The following SPOPL variants were observed in gnomAD, a reference collection of about 807,000 sequenced individuals.
SPOPL encodes the protein speckle-type POZ protein-like.
SPOPL carries 23 observed loss-of-function variants against 53.8 expected under a neutral mutation model. That is an observed-to-expected ratio of 0.43 (90% CI 0.31 to 0.61). The LOEUF is 0.61. SPOPL is among the 20% of genes least tolerant of loss of function. The pLI, the probability that SPOPL is intolerant of heterozygous loss-of-function variation, is 0.12. For synonymous variants in SPOPL, 164 were observed against 149.7 expected (o/e 1.10, Z -0.70); for missense variants, 442 against 466.9 (o/e 0.95, Z 0.49).
Position 138,573,477 on chromosome 2 carries a change from CCATTAATGTAA to C in SPOPL, c.*4400_*4410del. ...GGATGACTTATTCTAATGCTACGTA[CCATTAATGTAA>C]CAGAGATCACCTTTTCCCTGTCATT... On this transcript the variant is annotated 3_prime_UTR_variant, in exon 11 of 11. Transcript: ENST00000280098. 6.6e-6 allele frequency: 1 copy of C among 152,226 alleles called. No individual in the cohort carries two copies. Among genetic ancestry groups the C allele is most frequent in the South Asian group, 2.1e-4 (1 of 4,824 alleles). The allele number at this position is 152,226 out of a possible 1,614,324, so 9.4% of individuals were successfully genotyped here. A position where few individuals can be genotyped will look rare whatever the true frequency, so the allele number is the denominator to read the frequency against.
intron 1 of SPOPL, among the ~76,000 whole-genome samples, chr2:138,519,828 G>A (rs1210219827): frequency 1.3e-5 from 2 of 152,062 alleles, no homozygotes; most frequent in Non-Finnish European, 2.9e-5. Context: ...AAAAAGTAAA[G>A]TTTTAATGTG....
chr2:138,520,793 A>C (rs1684539931), intron 1 of SPOPL, among the ~76,000 whole-genome samples: 1 of 152,236 alleles, frequency 6.6e-6, no homozygotes, highest in South Asian at 2.1e-4. Flanking sequence ...ATTGTAGTTT[A>C]CTACCCTGTT....
chr2:138,550,026 A>G (rs1341100642), intron 1 of SPOPL, 131 bp from the exon 2 acceptor site: 3 of 494,700 alleles, frequency 6.1e-6, no homozygotes, highest in African/African-American at 5.7e-5. Context: ...AAATTTATCT[A>G]AAATTCTCAC....
At chr2:138,555,131 G>GGGGTGTGTGT (rs1553471470) in intron 5 of SPOPL, among the ~76,000 whole-genome samples, 1 of 140,090 alleles carries the variant, frequency 7.1e-6, no homozygotes. Context: ...AGGGTAGGAG[G>GGGGTGTGTGT]GTGTGTGTGT....
At chr2:138,538,612 G>T (rs1684989748) in intron 1 of SPOPL, among the ~76,000 whole-genome samples, 1 of 151,968 alleles carries the variant, frequency 6.6e-6, no homozygotes, top group Admixed American at 6.6e-5. Flanking sequence ...TATTCTTCCA[G>T]TCTTTTCACA....
chr2:138,557,501 A>G (rs1315179824), intron 5 of SPOPL, among the ~76,000 whole-genome samples: 3 of 152,204 alleles, frequency 2.0e-5, no homozygotes, highest in African/African-American at 7.2e-5. Flanking sequence ...ACATTGGACC[A>G]TTATTAGACT....
chr2:138,514,215 T>A (rs1684391338), intron 1 of SPOPL, among the ~76,000 whole-genome samples: 1 of 152,116 alleles, frequency 6.6e-6, no homozygotes, highest in African/African-American at 2.4e-5. Flanking sequence ...GGTCAGAGCA[T>A]GGTTTGGTTT....
chr2:138,544,007 C>G (rs1183545480), intron 1 of SPOPL, among the ~76,000 whole-genome samples: 2 of 152,186 alleles, frequency 1.3e-5, no homozygotes, highest in African/African-American at 4.8e-5. Flanking sequence ...ACTCCAGACC[C>G]TGTTTGCCTG....
At chr2:138,565,867 G>T (rs911478603) in intron 10 of SPOPL, among the ~76,000 whole-genome samples, 1 of 151,254 alleles carries the variant, frequency 6.6e-6, no homozygotes, top group Non-Finnish European at 1.5e-5. Context: ...CCAAGTAGCT[G>T]GAACTACAGG....
Position 138,509,472 on chromosome 2 carries a change from A to G in SPOPL, c.-61+7353A>G, listed in dbSNP as rs540864309. ...AAAATATAATGTTATATTTATTGAC[A>G]AAGAAAATACCATTGTTTCCTGTTT... On this transcript the variant is annotated intron_variant, in intron 1 of 10. Transcript: ENST00000280098. Among the ~76,000 whole-genome samples, 19 of 152,304 alleles carry G rather than the reference A, an allele frequency of 1.2e-4. No homozygotes were observed. The South Asian group carries it at 2.3e-3, about 18-fold the overall frequency.
chr2:138,533,084 C>G (rs1459069379), intron 1 of SPOPL, among the ~76,000 whole-genome samples: 2 of 152,140 alleles, frequency 1.3e-5, no homozygotes, highest in African/African-American at 2.4e-5. Flanking sequence ...CCAGTACTCA[C>G]TTTGTGCTAA....
intron 1 of SPOPL, among the ~76,000 whole-genome samples, chr2:138,540,321 A>G (rs952636278): frequency 4.6e-5 from 7 of 152,200 alleles, no homozygotes; most frequent in Admixed American, 1.3e-4. Flanking sequence ...CATTGAATCT[A>G]TAAATTACCT....
intron 1 of SPOPL, among the ~76,000 whole-genome samples, chr2:138,533,977 T>G (rs561656081): frequency 1.3e-5 from 2 of 152,262 alleles, no homozygotes; most frequent in African/African-American, 4.8e-5. Flanking sequence ...TGGATAAAAT[T>G]TTGATAATGC....
chr2:138,525,664 A>AAAAAAAAAAAAAAAAAAAC (rs1684658281), intron 1 of SPOPL, among the ~76,000 whole-genome samples: 2 of 38,608 alleles, frequency 5.2e-5, no homozygotes, highest in African/African-American at 1.2e-4. Flanking sequence ...TAGAAAAAAA[A>AAAAAAAAAAAAAAAAAAAC]AAAAAAAAAA....
At chr2:138,506,682 T>G (rs1281291172) in intron 1 of SPOPL, among the ~76,000 whole-genome samples, 1 of 152,130 alleles carries the variant, frequency 6.6e-6, no homozygotes, top group Non-Finnish European at 1.5e-5. Flanking sequence ...GAGGTATTGG[T>G]CATTTTTCAA....
intron 1 of SPOPL, among the ~76,000 whole-genome samples, chr2:138,523,254 T>C (rs574476656): frequency 6.6e-6 from 1 of 152,228 alleles, no homozygotes; most frequent in East Asian, 1.9e-4. Context: ...AAATTCCCGT[T>C]TTTAAAACCA....
intron 1 of SPOPL, among the ~76,000 whole-genome samples, chr2:138,534,364 A>C (rs1684882414): frequency 1.3e-5 from 2 of 152,210 alleles, no homozygotes; most frequent in South Asian, 4.1e-4. Context: ...ACATTGTATT[A>C]GGTGTTAAGT....
chr2:138,519,318 G>A (rs1221430968), intron 1 of SPOPL, among the ~76,000 whole-genome samples: 1 of 151,476 alleles, frequency 6.6e-6, no homozygotes, highest in Non-Finnish European at 1.5e-5. Flanking sequence ...GTTGCATAAA[G>A]ATGGAAATAT....
intron 1 of SPOPL, among the ~76,000 whole-genome samples, chr2:138,535,341 C>T (rs181505027): frequency 3.9e-4 from 59 of 152,136 alleles, no homozygotes; most frequent in African/African-American, 1.4e-3. Flanking sequence ...ACACCTGTTT[C>T]CAGTTCTTTT....
Sources: gnomAD v4.1 joint callset for allele counts (sites outside exome capture counted in the v4.1 genomes callset) on GRCh38, gnomAD v4.1.1 for gene constraint, MANE v1.5 for transcripts, NCBI Gene and HGNC (gene_info 2026-07-23, HGNC 2026-07-21) for gene names.